The following TRPM7 variants were observed in gnomAD, a reference collection of about 807,000 sequenced individuals.
TRPM7 encodes the protein LTRPC ion channel family member 7.
In TRPM7, 134 loss-of-function variants were observed where a neutral mutation model predicts 229.7. The ratio of observed to expected loss-of-function variants is 0.58; its 90% CI spans 0.51 to 0.67. The LOEUF is 0.67. Among genes scored for constraint, TRPM7 ranks in the 30% least tolerant of loss-of-function variants. The pLI, the probability that TRPM7 is intolerant of heterozygous loss-of-function variation, is 0.00. For missense variants in TRPM7, 1,901 were observed against 2,210.0 expected, an observed-to-expected ratio of 0.86 and a Z score of 2.80; for synonymous variants, 699 against 715.2, an observed-to-expected ratio of 0.98 and a Z score of 0.36.
intron 27 of TRPM7, among the ~76,000 whole-genome samples, chr15:50,587,819 A>C (rs2059382609): frequency 6.6e-6 from 1 of 152,218 alleles, no homozygotes; most frequent in African/African-American, 2.4e-5. Flanking sequence ...AAAGTCCATA[A>C]AACATTTCAT....
intron 19 of TRPM7, among the ~76,000 whole-genome samples, chr15:50,608,496 T>G (rs1408274408): frequency 6.6e-6 from 1 of 152,246 alleles, no homozygotes; most frequent in Non-Finnish European, 1.5e-5. Context: ...GTCACCCATG[T>G]TGGCTATTTT....
At chr15:50,617,985 A>G (rs902784445) in intron 13 of TRPM7, among the ~76,000 whole-genome samples, 1 of 152,158 alleles carries the variant, frequency 6.6e-6, no homozygotes, top group African/African-American at 2.4e-5. Context: ...ATGCACTCAT[A>G]CTTAGCAGCA....
At chr15:50,601,003 T>C (rs1050829868) in intron 21 of TRPM7, among the ~76,000 whole-genome samples, 2 of 152,208 alleles carry the variant, frequency 1.3e-5, no homozygotes. Flanking sequence ...ACTGAGAGAA[T>C]GCATGCTTTC....
chr15:50,651,603 C>G (rs2061421013), intron 3 of TRPM7, among the ~76,000 whole-genome samples: 1 of 151,998 alleles, frequency 6.6e-6, no homozygotes, highest in Non-Finnish European at 1.5e-5. Flanking sequence ...TCAATATTAG[C>G]CTGGCAACAT....
rs747988585 is a variant in TRPM7, at chr15:50,634,465, G to T, written c.924C>A (p.Pro308=). 2.7e-5 allele frequency: 43 copies of T among 1,584,916 alleles called. 1 individual carries two copies. In the Middle Eastern group the frequency reaches 6.8e-3, roughly 252 times the overall value. ...LTVLEYLQES[P]PVPVVVCEGT... is the part of the protein sequence containing the mutation. Reference sequence around the variant, plus strand: ...CTTCACACACAACTACTGGAACAGGGGGGCTTTCCTGAAGGTATTCAAGAA... The same window carrying T: ...CTTCACACACAACTACTGGAACAGGTGGGCTTTCCTGAAGGTATTCAAGAA... The change falls in exon 8 of 39, where the codon CCC becomes CCA. Residue 308 remains proline, a synonymous_variant. Transcript: ENST00000646667.
chr15:50,671,918 A>G lies in TRPM7; in HGVS notation c.4-8872T>C, dbSNP rs367990868. 1.2e-4 allele frequency among the ~76,000 whole-genome samples: 18 copies of G among 152,324 alleles called. No homozygotes were observed. In the East Asian group the frequency reaches 3.5e-3, roughly 29 times the overall value. On this transcript the variant is annotated intron_variant, in intron 1 of 38. Coordinates refer to ENST00000646667, the MANE Select transcript of TRPM7 (RefSeq NM_017672.6). Reference sequence around the variant, plus strand: ...TGTAAACAAACCTGCACTGCCAGTTACATAGAAGTATGGCATATACAACTA... The same window carrying G: ...TGTAAACAAACCTGCACTGCCAGTTGCATAGAAGTATGGCATATACAACTA...
At position 50,643,423 on chromosome 15, in the gene TRPM7, C is replaced by T. The variant is rs539201969; in HGVS notation, c.452G>A (p.Arg151Gln). 1.1e-5 allele frequency: 17 copies of T among 1,614,146 alleles called. No homozygotes were observed. In the East Asian group the frequency reaches 1.3e-4, roughly 13 times the overall value. ...GGMQKFELHP[R>Q]IKQLLGKGLI... is the part of the protein sequence containing the mutation. Reference sequence around the variant, plus strand: ...ACCTTTTCCAAGCAACTGCTTGATTCGTGGGTGAAGCTCAAATTTCTGCAT... The same window carrying T: ...ACCTTTTCCAAGCAACTGCTTGATTTGTGGGTGAAGCTCAAATTTCTGCAT... The change falls in exon 5 of 39, where the codon CGA becomes CAA. Residue 151 changes from arginine to glutamine, a missense_variant. Around this residue, in one of 8 missense-constraint regions of TRPM7, gnomAD observed 794 missense variants for 881.9 expected, o/e 0.90. Coordinates refer to ENST00000646667, the MANE Select transcript of TRPM7 (RefSeq NM_017672.6).
In TRPM7 at chr15:50,686,746, T is replaced by C. The variant is rs2062368490; in HGVS notation, c.-213A>G. 4 of 569,636 alleles carry C rather than the reference T, an allele frequency of 7.0e-6. No homozygotes were observed. Among genetic ancestry groups the C allele is most frequent in the African/African-American group, 4.0e-5 (2 of 50,206 alleles). 35.3% of individuals were successfully genotyped at this position (569,636 alleles called of 1,614,324 possible). A position where few individuals can be genotyped will look rare whatever the true frequency, so the allele number is the denominator to read the frequency against. On this transcript the variant is annotated 5_prime_UTR_variant, in exon 1 of 39. Transcript: ENST00000646667. ...TGTGCGACCAACTCCTCCGGGTGAC[T>C]GGCCACAGGGACGCGCCCGCGCCCG...
chr15:50,581,537 TATAC>T (rs2054412635), intron 29 of TRPM7, among the ~76,000 whole-genome samples: 1 of 151,510 alleles, frequency 6.6e-6, no homozygotes, highest in African/African-American at 2.4e-5. Flanking sequence ...TATATATACA[TATAC>T]ATATAAACAT....
intron 6 of TRPM7, among the ~76,000 whole-genome samples, chr15:50,637,982 C>T (rs1156690855): frequency 6.6e-6 from 1 of 152,090 alleles, no homozygotes; most frequent in Non-Finnish European, 1.5e-5. Flanking sequence ...TTTGGGAGGC[C>T]GAGGCGAGTG....
At chr15:50,602,534 A>C (rs1438413949) in intron 21 of TRPM7, among the ~76,000 whole-genome samples, 1 of 152,180 alleles carries the variant, frequency 6.6e-6, no homozygotes, top group African/African-American at 2.4e-5. Flanking sequence ...ATCTTTGTGA[A>C]AGCCTTCATG....
chr15:50,601,955 CTTT>C (rs1237498865), intron 21 of TRPM7, among the ~76,000 whole-genome samples: 1 of 128,278 alleles, frequency 7.8e-6, no homozygotes, highest in East Asian at 2.3e-4. Flanking sequence ...CACATATTTT[CTTT>C]TTTTTTTTTT....
chr15:50,609,629 CT>C lies in TRPM7; in HGVS notation c.2531del (p.Lys844SerfsTer11), dbSNP rs2060011638. On this transcript the variant is annotated frameshift_variant, in exon 19 of 39. Coordinates refer to ENST00000646667, the MANE Select transcript of TRPM7 (RefSeq NM_017672.6). LOFTEE classifies it high-confidence loss of function. ...TTGGTGCATGATAAAAGGCATAAAACTTTCGCGTAATTGGAAGCTTTTTTGA... is the reference window on the plus strand; with the variant it reads ...TTGGTGCATGATAAAAGGCATAAAACTTCGCGTAATTGGAAGCTTTTTTGA... The part of the protein sequence containing the change: ...MKSKKLPITR[K>X]FYAFYHAPIV... 1 of 1,612,302 alleles carries C rather than the reference CT, an allele frequency of 6.2e-7. No homozygotes were observed. The highest frequency in any genetic ancestry group is 8.5e-7 in the Non-Finnish European group (1 of 1,179,364).
chr15:50,583,018 C>T lies in TRPM7; in HGVS notation c.4557+71G>A, dbSNP rs1397458508. On this transcript the variant is annotated intron_variant, in intron 29 of 38. Coordinates refer to ENST00000646667, the MANE Select transcript of TRPM7 (RefSeq NM_017672.6). ...TTTGATATAGTCCCAAATATCACCA[C>T]TTTGTAGATCTTATCTAAAAAAGTT... 14 of 1,153,022 alleles carry T rather than the reference C, an allele frequency of 1.2e-5. No homozygotes were observed. In the East Asian group the frequency reaches 3.8e-4, roughly 31 times the overall value. The allele number at this position is 1,153,022 out of a possible 1,614,324, so 71.4% of individuals were successfully genotyped here. A position where few individuals can be genotyped will look rare whatever the true frequency, so the allele number is the denominator to read the frequency against.
At chr15:50,685,298 T>C (rs1248643138) in intron 1 of TRPM7, among the ~76,000 whole-genome samples, 1 of 152,142 alleles carries the variant, frequency 6.6e-6, no homozygotes, top group South Asian at 2.1e-4. Flanking sequence ...ACCCCGTCTC[T>C]ACTAAAAATG....
At chr15:50,675,983 G>C (rs901120970) in intron 1 of TRPM7, among the ~76,000 whole-genome samples, 3 of 152,054 alleles carry the variant, frequency 2.0e-5, no homozygotes, top group African/African-American at 7.2e-5. Flanking sequence ...TGTAAAATAG[G>C]ATAACAACAG....
At chr15:50,681,029 G>A (rs2062230367) in intron 1 of TRPM7, among the ~76,000 whole-genome samples, 1 of 152,124 alleles carries the variant, frequency 6.6e-6, no homozygotes, top group Non-Finnish European at 1.5e-5. Flanking sequence ...AAGGCGGGCA[G>A]ATCACGAGGT....
At chr15:50,683,259 A>G (rs2062281737) in intron 1 of TRPM7, among the ~76,000 whole-genome samples, 1 of 151,928 alleles carries the variant, frequency 6.6e-6, no homozygotes, top group Non-Finnish European at 1.5e-5. Context: ...CAATTTACTT[A>G]TATGTTGAAA....
chr15:50,630,618 T>C (rs1465132055), intron 10 of TRPM7, among the ~76,000 whole-genome samples: 3 of 152,220 alleles, frequency 2.0e-5, no homozygotes, highest in Non-Finnish European at 1.5e-5. Context: ...TATCTTTATA[T>C]TCTATCAACT....
Sources: allele counts gnomAD v4.1 joint callset (sites outside exome capture counted in the v4.1 genomes callset), GRCh38; gene constraint gnomAD v4.1.1; regional missense constraint gnomAD v4.1.1; transcripts MANE v1.5; gene names NCBI Gene and HGNC (gene_info 2026-07-23, HGNC 2026-07-21).